Variants in PTPRF observed in about 807,000 individuals in gnomAD.
PTPRF encodes the protein protein tyrosine phosphatase receptor type F, also known as receptor-type tyrosine-protein phosphatase F.
In PTPRF, 59 loss-of-function variants were observed where a neutral mutation model predicts 201.8. The observed-to-expected ratio is 0.29, with a 90% CI of 0.24 to 0.36. PTPRF has a LOEUF of 0.36. Ranked by LOEUF, PTPRF falls within the 10% of genes least tolerant of loss-of-function variation. The pLI is 1.00. For missense variants in PTPRF, 2,132 were observed against 2,690.5 expected, an observed-to-expected ratio of 0.79 and a Z score of 4.59; for synonymous variants, 1,088 against 1,089.7, an observed-to-expected ratio of 1.00 and a Z score of 0.03.
intron 6 of PTPRF, among the ~76,000 whole-genome samples, chr1:43,575,391 C>T (rs911669628): frequency 2.6e-5 from 4 of 152,138 alleles, no homozygotes; most frequent in South Asian, 2.1e-4. Flanking sequence ...TCCTGCTGCC[C>T]GTTCCTCTCG....
At chr1:43,536,899 G>C (rs1644051626) in intron 1 of PTPRF, among the ~76,000 whole-genome samples, 1 of 152,224 alleles carries the variant, frequency 6.6e-6, no homozygotes, top group Non-Finnish European at 1.5e-5. Context: ...CATATTGGCA[G>C]AGGTGGTTAG....
intron 7 of PTPRF, among the ~76,000 whole-genome samples, chr1:43,587,145 A>G (rs989484564): frequency 1.3e-5 from 2 of 152,100 alleles, no homozygotes; most frequent in African/African-American, 4.8e-5. Flanking sequence ...AGCAAGTGCT[A>G]AATTAGGTAG....
intron 23 of PTPRF, among the ~76,000 whole-genome samples, chr1:43,615,629 T>G (rs561350234): frequency 7.0e-6 from 1 of 142,458 alleles, no homozygotes; most frequent in African/African-American, 2.6e-5. Context: ...TGCAGTGGCG[T>G]GATCTCGGCT....
Position 43,591,268 on chromosome 1 carries a change from C to T in PTPRF, c.1246C>T (p.Pro416Ser), listed in dbSNP as rs369985213. Residue 416 changes from proline (P) to serine (S), a missense_variant, in exon 9 of 34, where the codon CCA becomes TCA. By Grantham distance (74) the Pro-to-Ser change is moderately conservative. This residue lies in a region of PTPRF where 351 missense variants were observed against 401.7 expected (regional missense o/e 0.87). Transcript: ENST00000359947. ...CACGGGAGAACAGGCGCCCTCCAGC[C>T]CACCGCGCCGCGTGCAGGCACGCAT... ...ARTGEQAPSS[P>S]PRRVQARMLS... The T allele has an allele frequency of 2.6e-6, 4 of 1,564,212 alleles. No homozygotes were observed. Among genetic ancestry groups the T allele is most frequent in the African/African-American group, 1.4e-5 (1 of 73,690 alleles).
At chr1:43,619,630 C>T (rs747537767) in intron 28 of PTPRF, 50 bp from the exon 29 acceptor site, 1 of 1,610,210 alleles carries the variant, frequency 6.2e-7, no homozygotes, top group East Asian at 2.2e-5. Context: ...ATGCAGATGA[C>T]CCCCACCCCC....
chr1:43,596,641 T>C (rs1401512577), intron 11 of PTPRF, among the ~76,000 whole-genome samples: 1 of 152,148 alleles, frequency 6.6e-6, no homozygotes, highest in Non-Finnish European at 1.5e-5. Flanking sequence ...AAAGAGACTG[T>C]TTCCAGGCAG....
chr1:43,569,222 C>G lies in PTPRF; in HGVS notation c.380-368C>G, dbSNP rs996217314. Among the ~76,000 whole-genome samples, 630 of 137,346 alleles carry G rather than the reference C, an allele frequency of 4.6e-3. 6 individuals carry two copies. Among genetic ancestry groups the G allele is most frequent in the East Asian group, 0.019 (70 of 3,782 alleles). The allele number at this position is 137,346 out of a possible 152,430, so 90.1% of individuals were successfully genotyped here. A position where few individuals can be genotyped will look rare whatever the true frequency, so the allele number is the denominator to read the frequency against. On this transcript the variant is annotated intron_variant, in intron 5 of 33. Transcript: ENST00000359947. ...ATGCTGCGCGAGCTCCCTGCTAGCCCCCCCCCCCACCCCCTGCAGCCCCAG... is the reference window on the plus strand; with the variant it reads ...ATGCTGCGCGAGCTCCCTGCTAGCCGCCCCCCCCACCCCCTGCAGCCCCAG...
At chr1:43,604,290 C>A (rs1237346331) in intron 16 of PTPRF, 101 bp downstream of exon 16, 3 of 1,245,788 alleles carry the variant, frequency 2.4e-6, no homozygotes, top group East Asian at 2.5e-5. Context: ...ATCCACCAGC[C>A]TCTGGTGTGT....
chr1:43,549,697 T>C (rs1338012043), intron 3 of PTPRF, among the ~76,000 whole-genome samples: 4 of 151,740 alleles, frequency 2.6e-5, no homozygotes, highest in Non-Finnish European at 4.4e-5. Flanking sequence ...TTACCAAAAA[T>C]ACAAAAAATT....
chr1:43,545,990 A>G (rs529130099), intron 3 of PTPRF, among the ~76,000 whole-genome samples: 8 of 152,246 alleles, frequency 5.3e-5, no homozygotes, highest in South Asian at 2.1e-4. Flanking sequence ...GCCAATCTGC[A>G]GGCTGAGGGG....
chr1:43,539,527 T>C (rs1644231536), intron 2 of PTPRF, among the ~76,000 whole-genome samples: 1 of 152,094 alleles, frequency 6.6e-6, no homozygotes, highest in Admixed American at 6.5e-5. Context: ...AAGAGATGGG[T>C]CTGGCCTGGG....
Position 43,554,853 on chromosome 1 carries a change from C to CTTTTTT in PTPRF, c.379+915_379+916insTTTTTT, listed in dbSNP as rs1280917056. ...TTGCTTTTTTTTCTTTTCTTTCTTT[C>CTTTTTT]TTTCTTTTTTTTTTTTTGAGATGCA... On this transcript the variant is annotated intron_variant, in intron 5 of 33. Transcript: ENST00000359947. The surrounding 1 kb of genome is among the most constrained non-coding windows in gnomAD (Gnocchi z 4.1). 7.0e-6 allele frequency among the ~76,000 whole-genome samples: 1 copy of CTTTTTT among 143,158 alleles called. No individual in the cohort carries two copies. The highest frequency in any genetic ancestry group is 1.5e-5 in the Non-Finnish European group (1 of 66,816). The allele number at this position is 143,158 out of a possible 152,430, so 93.9% of individuals were successfully genotyped here.
At chr1:43,617,298 G>T in intron 23 of PTPRF, 147 bp from the exon 24 acceptor site, 1 of 1,164,256 alleles carries the variant, frequency 8.6e-7, no homozygotes. Flanking sequence ...GAGCTCCATG[G>T]CTGGCACCAC....
chr1:43,527,106 A>G (rs1340326602), upstream of PTPRF, among the ~76,000 whole-genome samples: 1 of 152,224 alleles, frequency 6.6e-6, no homozygotes, highest in Non-Finnish European at 1.5e-5. Flanking sequence ...AGTTGCAGAG[A>G]GTGTCCAGTT....
chr1:43,531,766 G>C (rs970880507), intron 1 of PTPRF, among the ~76,000 whole-genome samples: 1 of 152,046 alleles, frequency 6.6e-6, no homozygotes, highest in African/African-American at 2.4e-5. Flanking sequence ...GCCCTGGAGC[G>C]ACCTGTCCCG....
At chr1:43,571,020 G>A (rs1282127107) in intron 6 of PTPRF, among the ~76,000 whole-genome samples, 1 of 152,118 alleles carries the variant, frequency 6.6e-6, no homozygotes, top group Non-Finnish European at 1.5e-5. Context: ...CCCCTCCACA[G>A]AACCACATGG....
In PTPRF at chr1:43,606,236, C is replaced by T. The variant is rs1327947384; in HGVS notation, c.3484-4C>T. The T allele has an allele frequency of 6.2e-7, 1 of 1,610,960 alleles. No homozygotes were observed. ...CTCATGACCCCCATGCTCTGCTCTG[C>T]CAGCTTCTAGAAGCCATCGAGCAAG... On this transcript the variant is annotated splice_polypyrimidine_tract_variant and splice_region_variant and intron_variant, in intron 19 of 33. Coordinates refer to ENST00000359947, the MANE Select transcript of PTPRF (RefSeq NM_002840.5).
intron 33 of PTPRF, among the ~76,000 whole-genome samples, chr1:43,621,509 GAAAAC>G (rs752058133): frequency 7.7e-5 from 9 of 116,602 alleles, no homozygotes; most frequent in African/African-American, 2.2e-4. Flanking sequence ...CCCTGTTGCT[GAAAAC>G]AAAACAAAAC....
intron 5 of PTPRF, among the ~76,000 whole-genome samples, chr1:43,556,050 TC>T (rs1408566292): frequency 5.3e-5 from 8 of 152,126 alleles, no homozygotes; most frequent in Non-Finnish European, 8.8e-5. Context: ...CTGCACATCT[TC>T]CCCACTGTTG....
Sources: gnomAD v4.1 joint callset for allele counts (sites outside exome capture counted in the v4.1 genomes callset) on GRCh38, gnomAD v4.1.1 for gene constraint, gnomAD v4.1.1 regional missense constraint, Gnocchi (gnomAD v3.1) non-coding constraint, MANE v1.5 for transcripts, NCBI Gene and HGNC (gene_info 2026-07-23, HGNC 2026-07-21) for gene names.